The following CTNNBL1 variants were observed in gnomAD, a reference collection of about 807,000 sequenced individuals.
The protein encoded by CTNNBL1 is beta-catenin-like protein 1.
Under a neutral mutation model 72.7 loss-of-function variants are expected in CTNNBL1, and 31 were observed. That is an observed-to-expected ratio of 0.43 (90% CI 0.32 to 0.58). The LOEUF (loss-of-function observed/expected upper bound fraction) is 0.58. Ranked by LOEUF, CTNNBL1 falls within the 20% of genes least tolerant of loss-of-function variation. The pLI, the probability that CTNNBL1 is intolerant of heterozygous loss-of-function variation, is 0.08. For synonymous variants in CTNNBL1, 240 were observed against 267.3 expected, an observed-to-expected ratio of 0.90 and a Z score of 1.00; for missense variants, 534 against 725.1, an observed-to-expected ratio of 0.74 and a Z score of 3.03.
At chr20:37,858,774 T>C (rs2072464773) in intron 13 of CTNNBL1, among the ~76,000 whole-genome samples, 1 of 152,170 alleles carries the variant, frequency 6.6e-6, no homozygotes, top group African/African-American at 2.4e-5. Context: ...GGACTGGATA[T>C]GAGGACAGCA....
intron 1 of CTNNBL1, among the ~76,000 whole-genome samples, chr20:37,726,698 C>T (rs967757287): frequency 6.6e-5 from 10 of 152,194 alleles, no homozygotes; most frequent in African/African-American, 2.4e-4. Context: ...TTTCCTTTGA[C>T]TTTTTCCATT....
chr20:37,768,062 G>A lies in CTNNBL1; in HGVS notation c.750+18G>A. The A allele has an allele frequency of 3.1e-6, 5 of 1,598,596 alleles. No individual in the cohort carries two copies. The highest frequency in any genetic ancestry group is 4.3e-6 in the Non-Finnish European group (5 of 1,166,300). ...GGCTGAAGGTGAGTTTGGCTGTGGG[G>A]AACTGCAGCTCACACCTGTCTTTGC... On this transcript the variant is annotated intron_variant, in intron 7 of 15. Transcript: ENST00000361383.
At chr20:37,736,778 T>C (rs1358254725) in intron 2 of CTNNBL1, among the ~76,000 whole-genome samples, 1 of 152,050 alleles carries the variant, frequency 6.6e-6, no homozygotes, top group African/African-American at 2.4e-5. Context: ...CACCTTGGAC[T>C]CCTGAAGTGC....
chr20:37,701,703 A>G (rs2072844559), intron 1 of CTNNBL1, among the ~76,000 whole-genome samples: 1 of 152,252 alleles, frequency 6.6e-6, no homozygotes, highest in Non-Finnish European at 1.5e-5. Context: ...AAAGCAGGGT[A>G]GTGAAATGTT....
intron 11 of CTNNBL1, among the ~76,000 whole-genome samples, chr20:37,803,641 G>A (rs2122737424): frequency 6.6e-6 from 1 of 152,316 alleles, no homozygotes; most frequent in Non-Finnish European, 1.5e-5. Flanking sequence ...TAGCCACAGT[G>A]CAATCTGGAA....
chr20:37,853,900 T>G (rs932987298), intron 13 of CTNNBL1, among the ~76,000 whole-genome samples: 2 of 152,228 alleles, frequency 1.3e-5, no homozygotes, highest in African/African-American at 4.8e-5. Flanking sequence ...CTGACAACAG[T>G]CAACTTCACT....
At chr20:37,851,172 T>C (rs2072393757) in intron 13 of CTNNBL1, among the ~76,000 whole-genome samples, 1 of 152,204 alleles carries the variant, frequency 6.6e-6, no homozygotes, top group African/African-American at 2.4e-5. Flanking sequence ...AAGCTGTTTA[T>C]TTTAGCAGCC....
chr20:37,697,122 G>A (rs985007380), intron 1 of CTNNBL1, among the ~76,000 whole-genome samples: 46 of 151,982 alleles, frequency 3.0e-4, no homozygotes, highest in African/African-American at 1.0e-3. Flanking sequence ...GGTAGAGGTT[G>A]CAGTGAGCTG....
intron 13 of CTNNBL1, among the ~76,000 whole-genome samples, chr20:37,853,068 A>G (rs2072410683): frequency 6.6e-6 from 1 of 152,140 alleles, no homozygotes; most frequent in Non-Finnish European, 1.5e-5. Context: ...TGAGGGGCAA[A>G]GGAGGCAAGG....
At chr20:37,769,219 T>C (rs1202956361) in intron 7 of CTNNBL1, among the ~76,000 whole-genome samples, 2 of 152,242 alleles carry the variant, frequency 1.3e-5, no homozygotes, top group Admixed American at 6.5e-5. Context: ...ATACAGACTT[T>C]TTAAAATATA....
rs373529230 is a variant in CTNNBL1, at chr20:37,805,436, G to A, written c.1213+2388G>A. On this transcript the variant is annotated intron_variant, in intron 11 of 15. Coordinates refer to ENST00000361383, the MANE Select transcript of CTNNBL1 (RefSeq NM_030877.5). ...TTTTTTTTTTTTTCCCTGGCCTGTT[G>A]CCCAGGCTAGAGTGCAGTGATGCGA... is the stretch of plus-strand genomic sequence containing the variant. 3.7e-3 allele frequency among the ~76,000 whole-genome samples: 426 copies of A among 116,008 alleles called. 3 individuals are homozygous for A. Among genetic ancestry groups the A allele is most frequent in the African/African-American group, 0.013 (380 of 30,006 alleles). The allele number at this position is 116,008 out of a possible 152,430, so 76.1% of individuals were successfully genotyped here.
Position 37,871,944 on chromosome 20 carries a change from G to A in CTNNBL1, c.1623G>A (p.Gly541=), listed in dbSNP as rs2072588743. ...HIIKEYAENI[G]DGRSPEFREN... ...CCCTAGAGTATGCAGAGAACATCGG[G>A]GACGGCCGGAGCCCGGAGTTCCGGG... is the stretch of plus-strand genomic sequence containing the variant. Residue 541 remains glycine (G), a synonymous_variant, in exon 16 of 16, where the codon GGG becomes GGA. Transcript: ENST00000361383. The A allele has an allele frequency of 6.2e-7, 1 of 1,614,028 alleles. No homozygotes were observed. The highest frequency in any genetic ancestry group is 2.2e-5 in the East Asian group (1 of 44,878).
intron 15 of CTNNBL1, among the ~76,000 whole-genome samples, chr20:37,868,018 C>T (rs2072551255): frequency 6.6e-6 from 1 of 152,184 alleles, no homozygotes; most frequent in South Asian, 2.1e-4. Context: ...GGGACCCTGG[C>T]CATCCACGTG....
rs557511976 is a variant in CTNNBL1, at chr20:37,824,707, C to G, written c.1214-15395C>G. The stretch of plus-strand genomic sequence containing the variant: ...GGGAGCCCAGGTTCCTTCTGTCATT[C>G]TATTCTGCCATTTTTATCACAGGGC... On this transcript the variant is annotated intron_variant, in intron 11 of 15. Coordinates refer to ENST00000361383, the MANE Select transcript of CTNNBL1 (RefSeq NM_030877.5). Among the ~76,000 whole-genome samples, 33 of 152,338 alleles carry G rather than the reference C, an allele frequency of 2.2e-4. 1 individual carries two copies. In the South Asian group the frequency reaches 6.8e-3, roughly 32 times the overall value.
rs6013104 is a variant in CTNNBL1, at chr20:37,803,518, G to A, written c.1213+470G>A. 8.3e-3 allele frequency among the ~76,000 whole-genome samples: 1,268 copies of A among 152,218 alleles called. 15 individuals are homozygous for A. Among genetic ancestry groups the A allele is most frequent in the African/African-American group, 0.029 (1,190 of 41,534 alleles). ...ATGTTTCTCCTCCCTGATGGTGCAC[G>A]CTCCCAGCAAAATGCTGCCATGAAT... On this transcript the variant is annotated intron_variant, in intron 11 of 15. Transcript: ENST00000361383.
intron 10 of CTNNBL1, among the ~76,000 whole-genome samples, chr20:37,796,029 C>T (rs1450230360): frequency 6.6e-6 from 1 of 151,964 alleles, no homozygotes; most frequent in Non-Finnish European, 1.5e-5. Flanking sequence ...TAGGCAGGAC[C>T]AGATTAGTCT....
chr20:37,750,813 AAAT>A (rs1349161204), intron 4 of CTNNBL1: 4 of 152,140 alleles, frequency 2.6e-5, no homozygotes, highest in African/African-American at 7.2e-5. Context: ...TGCTAATAAA[AAAT>A]AATAACTCCA....
In CTNNBL1 at chr20:37,840,032, C is replaced by A. The variant is rs188040214; in HGVS notation, c.1214-70C>A. The A allele has an allele frequency of 1.3e-5, 15 of 1,115,104 alleles. No homozygotes were observed. The Admixed American group carries it at 1.9e-4, about 14-fold the overall frequency. The allele number at this position is 1,115,104 out of a possible 1,614,324, so 69.1% of individuals were successfully genotyped here. A position where few individuals can be genotyped will look rare whatever the true frequency, so the allele number is the denominator to read the frequency against. ...TTATTCTGCCCTCAATAGAACCAGA[C>A]GAGGCTTGAAGAGAGGTAATAATTA... On this transcript the variant is annotated intron_variant, in intron 11 of 15. Coordinates refer to ENST00000361383, the MANE Select transcript of CTNNBL1 (RefSeq NM_030877.5).
chr20:37,799,296 G>A (rs1010922356), intron 10 of CTNNBL1, among the ~76,000 whole-genome samples: 1 of 152,134 alleles, frequency 6.6e-6, no homozygotes, highest in African/African-American at 2.4e-5. Context: ...GACATCTACA[G>A]GATGGAGCCT....
Sources: gnomAD v4.1 joint callset for allele counts (sites outside exome capture counted in the v4.1 genomes callset) on GRCh38, gnomAD v4.1.1 for gene constraint, MANE v1.5 for transcripts, NCBI Gene and HGNC (gene_info 2026-07-23, HGNC 2026-07-21) for gene names.